The following CD4 variants were observed in gnomAD, a reference collection of about 807,000 sequenced individuals.
CD4 encodes the protein T-cell surface glycoprotein CD4.
A neutral mutation model predicts 50.5 loss-of-function variants in CD4; 25 were observed. The observed-to-expected ratio is 0.49, with a 90% confidence interval of 0.36 to 0.69. The LOEUF (loss-of-function observed/expected upper bound fraction) is 0.69. Among genes scored for constraint, CD4 ranks in the 30% least tolerant of loss-of-function variants. The probability of loss-of-function intolerance (pLI) is 0.00; values close to 1 mark genes in which losing one functional copy is unlikely to be tolerated. For missense variants in CD4, 456 were observed against 548.5 expected (o/e 0.83, Z 1.68); for synonymous variants, 207 against 221.9 (o/e 0.93, Z 0.60).
At position 6,819,614 on chromosome 12, in the gene CD4, T is replaced by A. The variant is rs28919580; in HGVS notation, c.*285T>A. Reference sequence around the variant, plus strand: ...TCTGACCCTCTCCCCACTGCTCATTTGGATCCCAGGGGAGTGTTCAGGGCC... The same window carrying A: ...TCTGACCCTCTCCCCACTGCTCATTAGGATCCCAGGGGAGTGTTCAGGGCC... On this transcript the variant is annotated 3_prime_UTR_variant, in exon 10 of 10. Coordinates refer to ENST00000011653, the MANE Select transcript of CD4 (RefSeq NM_000616.5). 2,381 of 481,936 alleles carry A rather than the reference T, an allele frequency of 4.9e-3. 41 individuals carry two copies. The highest frequency in any genetic ancestry group is 0.041 in the African/African-American group (2,105 of 50,876). 29.9% of individuals were successfully genotyped at this position (481,936 alleles called of 1,614,324 possible).
At position 6,793,129 on chromosome 12, in the gene CD4, C is replaced by T. The variant is rs970484160; in HGVS notation, c.-68+3467C>T. On this transcript the variant is annotated intron_variant, in intron 1 of 9. Coordinates refer to ENST00000011653, the MANE Select transcript of CD4 (RefSeq NM_000616.5). ...AAAGGCCAGATCTCTGGGGTGGCAG[C>T]GGAAGCCCAAAGCACCAAAGCAAGC... 4.6e-5 allele frequency among the ~76,000 whole-genome samples: 7 copies of T among 152,024 alleles called. No homozygotes were observed. In the East Asian group the frequency reaches 9.6e-4, roughly 21 times the overall value.
intron 5 of CD4, 69 bp from the exon 6 acceptor site, chr12:6,815,987 T>G (rs782030317): frequency 3.8e-6 from 6 of 1,599,878 alleles, no homozygotes; most frequent in Non-Finnish European, 5.1e-6. Flanking sequence ...TGCCTCCACA[T>G]GCCAACCCCA....
chr12:6,799,300 T>G (rs1942467012), intron 1 of CD4: 1 of 152,166 alleles, frequency 6.6e-6, no homozygotes, highest in Non-Finnish European at 1.5e-5. Context: ...CTTTTCTATG[T>G]GTTTTTTTTC....
rs782758376 is a variant in CD4 at position 6,820,797 on chromosome 12, T to C, written c.*1468T>C. The C allele has an allele frequency of 6.7e-6, 1 of 149,848 alleles. No homozygotes were observed. The highest frequency in any genetic ancestry group is 2.1e-4 in the South Asian group (1 of 4,742). The allele number at this position is 149,848 out of a possible 1,614,324, so 9.3% of individuals were successfully genotyped here. ...AGCTGAAATAAAAATACAATAAACT[T>C]ACTATAAAGATGCTCTTCGTGTGTG... is the stretch of plus-strand genomic sequence containing the variant. On this transcript the variant is annotated 3_prime_UTR_variant, in exon 10 of 10. Transcript: ENST00000011653.
intron 1 of CD4, chr12:6,799,254 G>A (rs1942465631): frequency 6.6e-6 from 1 of 152,210 alleles, no homozygotes. Flanking sequence ...GATGACCTGC[G>A]AATGGTATCA....
chr12:6,817,128 A>G lies in CD4; in HGVS notation c.956-2A>G. 1 of 1,613,052 alleles carries G rather than the reference A, an allele frequency of 6.2e-7. No homozygotes were observed. The highest frequency in any genetic ancestry group is 8.5e-7 in the Non-Finnish European group (1 of 1,178,970). ...TGATCTCAGCCTCTCGTTCCTCTGCAGCCACTCAGCTCCAGAAAAATTTGA... is the reference window on the plus strand; with the variant it reads ...TGATCTCAGCCTCTCGTTCCTCTGCGGCCACTCAGCTCCAGAAAAATTTGA... On this transcript the variant is annotated splice_acceptor_variant, in intron 6 of 9. Coordinates refer to ENST00000011653, the MANE Select transcript of CD4 (RefSeq NM_000616.5). LOFTEE classifies it high-confidence loss of function.
chr12:6,802,812 C>G (rs1181906601), intron 3 of CD4, among the ~76,000 whole-genome samples: 1 of 152,104 alleles, frequency 6.6e-6, no homozygotes, highest in Non-Finnish European at 1.5e-5. Context: ...TCTCAGCTCG[C>G]TGCAACCTCT....
At chr12:6,791,168 T>G (rs1305364886) in intron 1 of CD4, among the ~76,000 whole-genome samples, 2 of 152,206 alleles carry the variant, frequency 1.3e-5, no homozygotes, top group East Asian at 3.8e-4. Flanking sequence ...GGGGCAGCCC[T>G]AGGCTCTGAC....
chr12:6,816,315 T>A lies in CD4; in HGVS notation c.867T>A (p.Pro289=), dbSNP rs782183073. The A allele has an allele frequency of 6.2e-7, 1 of 1,614,158 alleles. No homozygotes were observed. The highest frequency in any genetic ancestry group is 8.5e-7 in the Non-Finnish European group (1 of 1,180,006). Residue 289 remains proline, a synonymous_variant, in exon 6 of 10, where the codon CCT becomes CCA. Transcript: ENST00000011653. This position sits in a 1 kb window ranked among gnomAD's most constrained non-coding sequence, Gnocchi z 4.9. ...ACCTCACCCTGCCCCAGGCCTTGCC[T>A]CAGTATGCTGGCTCTGGAAACCTCA... ...PLHLTLPQAL[P]QYAGSGNLTL...
At chr12:6,815,996 C>A in intron 5 of CD4, 60 bp from the exon 6 acceptor site, 1 of 1,605,790 alleles carries the variant, frequency 6.2e-7, no homozygotes, top group South Asian at 1.1e-5. Context: ...ATGCCAACCC[C>A]ACTCGTGCAC....
In CD4 at chr12:6,819,662, G is replaced by A; in HGVS notation, c.*333G>A. ...GCCAGCCCTGGCTGGCATGGAGGGT[G>A]AGGCTGGGTGTCTGGAAGCATGGAG... On this transcript the variant is annotated 3_prime_UTR_variant, in exon 10 of 10. Coordinates refer to ENST00000011653, the MANE Select transcript of CD4 (RefSeq NM_000616.5). 1 of 357,416 alleles carries A rather than the reference G, an allele frequency of 2.8e-6. No individual in the cohort carries two copies. The highest frequency in any genetic ancestry group is 6.1e-5 in the East Asian group (1 of 16,396). The allele number at this position is 357,416 out of a possible 1,614,324, so 22.1% of individuals were successfully genotyped here. A position where few individuals can be genotyped will look rare whatever the true frequency, so the allele number is the denominator to read the frequency against.
At chr12:6,811,760 C>T (rs1405649886) in intron 3 of CD4, among the ~76,000 whole-genome samples, 1 of 151,754 alleles carries the variant, frequency 6.6e-6, no homozygotes, top group African/African-American at 2.4e-5. Flanking sequence ...GATCCACCGC[C>T]TTGGCCTCCC....
At chr12:6,791,718 C>T (rs1019954089) in intron 1 of CD4, among the ~76,000 whole-genome samples, 1 of 152,158 alleles carries the variant, frequency 6.6e-6, no homozygotes, top group African/African-American at 2.4e-5. Context: ...CCCATCTCTA[C>T]AAACCCCACA....
In CD4 at chr12:6,817,320, C is replaced by T. The variant is rs1591565268; in HGVS notation, c.1146C>T (p.Ser382=). 1 of 1,555,158 alleles carries T rather than the reference C, an allele frequency of 6.4e-7. No individual in the cohort carries two copies. Among genetic ancestry groups the T allele is most frequent in the Admixed American group, 2.0e-5 (1 of 51,220 alleles). The change falls in exon 7 of 10, where the codon TCC becomes TCT. Residue 382 remains serine (S), a synonymous_variant. Transcript: ENST00000011653. ...ACTCGGGACAGGTCCTGCTGGAATC[C>T]AACATCAAGGGTAAGGACCCAGGTT... ...LSDSGQVLLE[S]NIKVLPTWST... is the part of the protein sequence containing the mutation.
rs199799041 is a variant in CD4 at position 6,814,975 on chromosome 12, T to C, written c.590T>C (p.Ile197Thr). 12 of 1,612,454 alleles carry C rather than the reference T, an allele frequency of 7.4e-6. No homozygotes were observed. In the East Asian group the frequency reaches 1.1e-4, roughly 15 times the overall value. Reference sequence around the variant, plus strand: ...AACCAGAAGAAGGTGGAGTTCAAAATAGACATCGTGGTGCTAGGTAAGGGA... The same window carrying C: ...AACCAGAAGAAGGTGGAGTTCAAAACAGACATCGTGGTGCTAGGTAAGGGA... ...LQNQKKVEFK[I>T]DIVVLAFQKA... Residue 197 changes from isoleucine to threonine, a missense_variant, in exon 5 of 10, where the codon ATA (isoleucine) becomes ACA (threonine). Transcript: ENST00000011653.
intron 3 of CD4, among the ~76,000 whole-genome samples, chr12:6,809,791 G>A (rs1180954331): frequency 6.6e-6 from 1 of 152,020 alleles, no homozygotes; most frequent in East Asian, 1.9e-4. Flanking sequence ...CTGCACCCAG[G>A]AGGTTTCCCC....
In CD4 at chr12:6,814,872, A is replaced by G; in HGVS notation, c.487A>G (p.Ile163Val). 6.2e-7 allele frequency: 1 copy of G among 1,613,528 alleles called. No homozygotes were observed. The highest frequency in any genetic ancestry group is 8.5e-7 in the Non-Finnish European group (1 of 1,179,690). ...VQCRSPRGKN[I>V]QGGKTLSVSQ... ...ATGTAGGAGTCCAAGGGGTAAAAACATACAGGGGGGGAAGACCCTCTCCGT... is the reference window on the plus strand; with the variant it reads ...ATGTAGGAGTCCAAGGGGTAAAAACGTACAGGGGGGGAAGACCCTCTCCGT... The change falls in exon 5 of 10, where the codon ATA becomes GTA. Residue 163 changes from isoleucine (I) to valine (V), a missense_variant. By Grantham distance (29) the Ile-to-Val change is conservative. Transcript: ENST00000011653.
intron 5 of CD4, among the ~76,000 whole-genome samples, chr12:6,815,497 G>C (rs1405503402): frequency 6.6e-6 from 1 of 152,152 alleles, no homozygotes; most frequent in African/African-American, 2.4e-5. Flanking sequence ...AAGGTAGTGT[G>C]CCAGTTTAGT....
intron 3 of CD4, among the ~76,000 whole-genome samples, chr12:6,808,890 T>A (rs1051318943): frequency 5.3e-5 from 8 of 152,180 alleles, no homozygotes; most frequent in African/African-American, 1.9e-4. Flanking sequence ...TATTTAAAAC[T>A]TTTGGGGGGG....
Sources: gnomAD v4.1 joint callset for allele counts (sites outside exome capture counted in the v4.1 genomes callset) on GRCh38, gnomAD v4.1.1 for gene constraint, Gnocchi (gnomAD v3.1) non-coding constraint, MANE v1.5 for transcripts, NCBI Gene and HGNC (gene_info 2026-07-23, HGNC 2026-07-21) for gene names.